EDA: variants seen among roughly 807,000 people sequenced by gnomAD.
EDA encodes the protein ectodysplasin-A.
In EDA, 2 loss-of-function variants were observed where a neutral mutation model predicts 23.6. The ratio of observed to expected loss-of-function variants is 0.08; its 90% CI spans 0.03 to 0.27. The LOEUF (loss-of-function observed/expected upper bound fraction) is 0.27. Ranked by LOEUF, EDA falls within the 10% of genes least tolerant of loss-of-function variation. The probability of loss-of-function intolerance (pLI) is 1.00; values close to 1 mark genes in which losing one functional copy is unlikely to be tolerated. For missense variants in EDA, 229 were observed against 324.2 expected, an observed-to-expected ratio of 0.71 and a Z score of 2.26; for synonymous variants, 131 against 132.0, an observed-to-expected ratio of 0.99 and a Z score of 0.05.
intron 1 of EDA, among the ~76,000 whole-genome samples, chrX:69,825,993 A>T (rs2016419106): frequency 9.3e-6 from 1 of 107,320 alleles, no homozygotes; most frequent in African/African-American, 3.4e-5. Context: ...TTCAGTTTCC[A>T]TGTAGTTGAG....
intron 6 of EDA, among the ~76,000 whole-genome samples, chrX:70,032,618 G>A (rs1370061803): frequency 9.0e-6 from 1 of 111,485 alleles, no homozygotes; most frequent in Non-Finnish European, 1.9e-5. Context: ...ACTGGCTTCC[G>A]CTGTCCAAAG....
At chrX:69,625,985 A>C (rs1406045000) in intron 1 of EDA, among the ~76,000 whole-genome samples, 1 of 111,692 alleles carries the variant, frequency 9.0e-6, no homozygotes, top group Non-Finnish European at 1.9e-5. Context: ...CAAACCAAAC[A>C]AAAAAATGAG....
intron 1 of EDA, among the ~76,000 whole-genome samples, chrX:69,919,694 A>G (rs1162173508): frequency 8.9e-6 from 1 of 112,409 alleles, no homozygotes; most frequent in Admixed American, 9.4e-5. Context: ...ATATCTGAAG[A>G]GGAGAAAATC....
intron 1 of EDA, among the ~76,000 whole-genome samples, chrX:69,829,551 A>G (rs947529291): frequency 8.9e-6 from 1 of 112,379 alleles, no homozygotes; most frequent in Non-Finnish European, 1.9e-5. Flanking sequence ...AACATCACAG[A>G]TGGTTGTTTG....
At chrX:69,853,640 C>CA (rs2017180925) in intron 1 of EDA, among the ~76,000 whole-genome samples, 2 of 111,528 alleles carry the variant, frequency 1.8e-5, no homozygotes, top group African/African-American at 3.3e-5. Context: ...ATTAGCCAGG[C>CA]AAAAAAGATT....
At chrX:70,026,963 T>C (rs1487619348) in intron 3 of EDA, among the ~76,000 whole-genome samples, 2 of 110,916 alleles carry the variant, frequency 1.8e-5, no homozygotes, top group African/African-American at 6.6e-5. Context: ...CCATTTCCTG[T>C]ACATCCTGAC....
chrX:69,808,859 G>T (rs1268216883), intron 1 of EDA, among the ~76,000 whole-genome samples: 1 of 111,970 alleles, frequency 8.9e-6, no homozygotes, highest in Non-Finnish European at 1.9e-5. Flanking sequence ...GCCTTAATCA[G>T]TAGTATTATG....
intron 2 of EDA, among the ~76,000 whole-genome samples, chrX:69,994,451 G>T (rs898565111): frequency 8.9e-6 from 1 of 112,024 alleles, no homozygotes; most frequent in Non-Finnish European, 1.9e-5. Flanking sequence ...TAATGCCATT[G>T]TTCTCAAATT....
chrX:69,623,162 G>T (rs1932247610), intron 1 of EDA, among the ~76,000 whole-genome samples: 2 of 111,807 alleles, frequency 1.8e-5, no homozygotes, highest in Admixed American at 1.9e-4. Flanking sequence ...GATATTCTTG[G>T]CCCTTTGCAT....
chrX:69,682,573 G>A (rs1369554321), intron 1 of EDA, among the ~76,000 whole-genome samples: 1 of 112,090 alleles, frequency 8.9e-6, no homozygotes, highest in Non-Finnish European at 1.9e-5. Flanking sequence ...GGGTGGGAGT[G>A]ACCCGATTTT....
At chrX:69,690,073 G>GT (rs1934667660) in intron 1 of EDA, among the ~76,000 whole-genome samples, 1 of 89,183 alleles carries the variant, frequency 1.1e-5, no homozygotes, top group Non-Finnish European at 2.3e-5. Flanking sequence ...TGTGTGTGTG[G>GT]ATTCCTTAGA....
chrX:70,032,276 AAAGAAG>A (rs1485315003), intron 6 of EDA, among the ~76,000 whole-genome samples: 1 of 107,853 alleles, frequency 9.3e-6, no homozygotes, highest in African/African-American at 3.4e-5. Context: ...AAAAAAAAAA[AAAGAAG>A]AAGAAGTGAT....
intron 2 of EDA, among the ~76,000 whole-genome samples, chrX:69,976,398 G>C (rs999932231): frequency 2.7e-5 from 3 of 111,584 alleles, no homozygotes; most frequent in Admixed American, 9.6e-5. Context: ...TGGAGTTACA[G>C]TCCTCTATCG....
At chrX:70,006,145 A>G (rs1023586245) in intron 2 of EDA, among the ~76,000 whole-genome samples, 3 of 112,289 alleles carry the variant, frequency 2.7e-5, no homozygotes, top group African/African-American at 9.7e-5. Flanking sequence ...GTTGCTTCCA[A>G]TTTGAGGCAA....
At chrX:69,750,096 C>G (rs1371276301) in intron 1 of EDA, among the ~76,000 whole-genome samples, 1 of 105,373 alleles carries the variant, frequency 9.5e-6, no homozygotes, top group Non-Finnish European at 1.9e-5. Flanking sequence ...TATACATGTG[C>G]CATGTTGGTG....
At chrX:69,961,747 G>C (rs2019105862) in intron 2 of EDA, among the ~76,000 whole-genome samples, 2 of 112,450 alleles carry the variant, frequency 1.8e-5, no homozygotes, top group African/African-American at 6.5e-5. Flanking sequence ...GAGTTGGCCA[G>C]AAGTATTTCA....
chrX:69,936,745 G>A (rs2018679171), intron 1 of EDA, among the ~76,000 whole-genome samples: 2 of 111,639 alleles, frequency 1.8e-5, no homozygotes, highest in South Asian at 3.8e-4. Flanking sequence ...AGAATGGAAG[G>A]GAGAGACATG....
intron 1 of EDA, among the ~76,000 whole-genome samples, chrX:69,827,987 G>T (rs777887614): frequency 9.0e-6 from 1 of 110,867 alleles, no homozygotes; most frequent in South Asian, 3.9e-4. Context: ...CCCCTGCTGG[G>T]GGGTGCCTCC....
At chrX:70,027,496 T>C (rs148855146) in intron 3 of EDA, among the ~76,000 whole-genome samples, 2,392 of 111,337 alleles carry the variant, frequency 0.021, 79 homozygotes, top group African/African-American at 0.075. Flanking sequence ...GTAGAACTCC[T>C]GACAGTACAC....
Sources: gnomAD v4.1 joint callset for allele counts (sites outside exome capture counted in the v4.1 genomes callset) on GRCh38, gnomAD v4.1.1 for gene constraint, MANE v1.5 for transcripts, NCBI Gene and HGNC (gene_info 2026-07-23, HGNC 2026-07-21) for gene names.